SORBS2: variants seen among roughly 807,000 people sequenced by gnomAD.
SORBS2 encodes the protein sorbin and SH3 domain containing 2.
Under a neutral mutation model 97.7 loss-of-function variants are expected in SORBS2, and 46 were observed. The ratio of observed to expected loss-of-function variants is 0.47; its 90% CI spans 0.37 to 0.60. SORBS2 has a LOEUF of 0.60. Ranked by LOEUF, SORBS2 falls within the 20% of genes least tolerant of loss-of-function variation. SORBS2 has a pLI of 0.00. For synonymous variants in SORBS2, 476 were observed against 473.4 expected (o/e 1.01, Z -0.07); for missense variants, 1,316 against 1,282.3 (o/e 1.03, Z -0.40).
chr4:185,838,601 T>C (rs555610094), intron 1 of SORBS2, among the ~76,000 whole-genome samples: 1 of 152,350 alleles, frequency 6.6e-6, no homozygotes, highest in East Asian at 1.9e-4. Context: ...CTTGAGAAAC[T>C]AAGGGCAGCT....
At chr4:185,939,994 C>T (rs1196035794) in intron 1 of SORBS2, among the ~76,000 whole-genome samples, 3 of 152,216 alleles carry the variant, frequency 2.0e-5, no homozygotes, top group Admixed American at 2.0e-4. Flanking sequence ...CCCAGATGAG[C>T]CGCACCCTCT....
chr4:185,662,770 C>T (rs2097539941), intron 4 of SORBS2, among the ~76,000 whole-genome samples: 1 of 152,186 alleles, frequency 6.6e-6, no homozygotes. Flanking sequence ...TATCATGAAG[C>T]AACCTATTCT....
intron 1 of SORBS2, among the ~76,000 whole-genome samples, chr4:185,912,537 A>G (rs911071296): frequency 1.4e-5 from 2 of 143,052 alleles, no homozygotes; most frequent in African/African-American, 5.2e-5. Context: ...GTGAGCCGAG[A>G]TCATGCCACT....
intron 1 of SORBS2, among the ~76,000 whole-genome samples, chr4:185,946,805 T>C (rs1419530154): frequency 1.3e-5 from 2 of 152,242 alleles, no homozygotes; most frequent in Non-Finnish European, 1.5e-5. Context: ...AAACCTTCGG[T>C]TGGCTTTTTA....
intron 14 of SORBS2, among the ~76,000 whole-genome samples, chr4:185,588,995 G>T (rs2095858262): frequency 6.6e-6 from 1 of 151,810 alleles, no homozygotes; most frequent in Non-Finnish European, 1.5e-5. Context: ...TTTTGCCACC[G>T]ATGGATGTCT....
intron 12 of SORBS2, among the ~76,000 whole-genome samples, chr4:185,600,670 G>A (rs1360561837): frequency 6.6e-6 from 1 of 152,116 alleles, no homozygotes; most frequent in African/African-American, 2.4e-5. Context: ...AGAATGCTTA[G>A]CAATTGGGTT....
chr4:185,835,555 A>C (rs1457971964), intron 1 of SORBS2, among the ~76,000 whole-genome samples: 1 of 152,164 alleles, frequency 6.6e-6, no homozygotes, highest in South Asian at 2.1e-4. Context: ...GTAAGTAAAA[A>C]TTCCAGTGAC....
chr4:185,870,322 A>C (rs2099229688), intron 1 of SORBS2, among the ~76,000 whole-genome samples: 1 of 152,216 alleles, frequency 6.6e-6, no homozygotes, highest in Admixed American at 6.5e-5. Flanking sequence ...GACATAACAC[A>C]GCCTGACCCA....
exon 15 of SORBS2, chr4:185,587,247 T>C (rs983005016): frequency 4.9e-6 from 1 of 203,154 alleles, no homozygotes; most frequent in Non-Finnish European, 9.8e-6. Flanking sequence ...GGGGAGAACA[T>C]CGCCTGGGGG....
At position 185,737,508 on chromosome 4, in the gene SORBS2, T is replaced by C. The variant is rs553800895; in HGVS notation, c.-198+37719A>G. ...GGCAGTGGGGAGAAACGGGGAATTCTGTCATGAAACATAAAACCTAAAATA... is the reference window on the plus strand; with the variant it reads ...GGCAGTGGGGAGAAACGGGGAATTCCGTCATGAAACATAAAACCTAAAATA... On this transcript the variant is annotated intron_variant, in intron 2 of 20. Coordinates refer to the SORBS2 transcript ENST00000284776. 3.3e-5 allele frequency among the ~76,000 whole-genome samples: 5 copies of C among 152,304 alleles called. No homozygotes were observed. In the East Asian group the frequency reaches 9.6e-4, roughly 29 times the overall value.
intron 1 of SORBS2, among the ~76,000 whole-genome samples, chr4:185,847,316 G>GC (rs1280567319): frequency 2.6e-5 from 4 of 152,124 alleles, no homozygotes; most frequent in Non-Finnish European, 5.9e-5. Context: ...TGGGATTGGA[G>GC]AAAAGGGACT....
intron 1 of SORBS2, among the ~76,000 whole-genome samples, chr4:185,783,895 T>C (rs2099043350): frequency 6.6e-6 from 1 of 152,222 alleles, no homozygotes; most frequent in South Asian, 2.1e-4. Context: ...ATTCCCATAT[T>C]CATTACTCTG....
chr4:185,836,564 CA>C (rs2099208198), intron 1 of SORBS2, among the ~76,000 whole-genome samples: 1 of 152,128 alleles, frequency 6.6e-6, no homozygotes, highest in Admixed American at 6.5e-5. Context: ...TTCTTTTTCA[CA>C]ATGAACCTAT....
At chr4:185,646,870 T>G in intron 3 of SORBS2, 88 bp from the exon 13 acceptor site, 1 of 766,232 alleles carries the variant, frequency 1.3e-6, no homozygotes, top group Non-Finnish European at 2.2e-6. Context: ...TCAACATTAC[T>G]TTTAGCATAG....
chr4:185,830,735 C>G (rs1278923241), intron 1 of SORBS2, among the ~76,000 whole-genome samples: 1 of 152,166 alleles, frequency 6.6e-6, no homozygotes, highest in Non-Finnish European at 1.5e-5. Flanking sequence ...ACCTTTCTCA[C>G]CATTTGGCTA....
At chr4:185,706,851 T>C (rs1037523514) in intron 2 of SORBS2, among the ~76,000 whole-genome samples, 3 of 152,242 alleles carry the variant, frequency 2.0e-5, no homozygotes, top group African/African-American at 7.2e-5. Flanking sequence ...TGTGTTCACT[T>C]GGTCTCCTAT....
At position 185,819,484 on chromosome 4, in the gene SORBS2, A is replaced by G. The variant is rs77339979; in HGVS notation, c.-337-44118T>C. ...CATCCTGAGTGATAAGTAAGTCTCA[A>G]AAACGTGGTCTTTTCAGCCGGACGC... On this transcript the variant is annotated intron_variant, in intron 1 of 20. Coordinates refer to the SORBS2 transcript ENST00000284776. Among the ~76,000 whole-genome samples, 111 of 152,356 alleles carry G rather than the reference A, an allele frequency of 7.3e-4. No homozygotes were observed. In the East Asian group the frequency reaches 0.02, roughly 28 times the overall value.
At chr4:185,781,321 T>C (rs2099027651) in intron 1 of SORBS2, among the ~76,000 whole-genome samples, 1 of 152,238 alleles carries the variant, frequency 6.6e-6, no homozygotes, top group Non-Finnish European at 1.5e-5. Context: ...GACTTAGCTT[T>C]TCTTGTTATT....
intron 2 of SORBS2, among the ~76,000 whole-genome samples, 166 bp from the exon 5 acceptor site, chr4:185,685,012 C>T (rs1268418804): frequency 1.3e-5 from 2 of 152,160 alleles, no homozygotes; most frequent in Non-Finnish European, 2.9e-5. Flanking sequence ...CAAACTAAAA[C>T]AAACAAAACG....
Sources: gnomAD v4.1 joint callset for allele counts (sites outside exome capture counted in the v4.1 genomes callset) on GRCh38, gnomAD v4.1.1 for gene constraint, MANE v1.5 for transcripts, NCBI Gene and HGNC (gene_info 2026-07-23, HGNC 2026-07-21) for gene names.